WDR41: variants seen among roughly 807,000 people sequenced by gnomAD.
WDR41 encodes the protein WD repeat domain 41, also known as WD repeat-containing protein 41.
WDR41 carries 63 observed loss-of-function variants against 69.3 expected under a neutral mutation model. The observed-to-expected ratio is 0.91, with a 90% CI of 0.74 to 1.12. WDR41 has a LOEUF of 1.12. Ranked by LOEUF, WDR41 falls within the 50% of genes most tolerant of loss-of-function variation. WDR41 has a pLI of 0.00. For synonymous variants in WDR41, 185 were observed against 192.1 expected (o/e 0.96, Z 0.31); for missense variants, 543 against 534.5 (o/e 1.02, Z -0.16).
intron 1 of WDR41, among the ~76,000 whole-genome samples, chr5:77,600,586 T>C (rs1744304841): frequency 6.6e-6 from 1 of 152,122 alleles, no homozygotes; most frequent in African/African-American, 2.4e-5. Flanking sequence ...TATGTAAAAA[T>C]TTCACATAGT....
At chr5:77,593,659 T>C (rs1744170636) in intron 1 of WDR41, among the ~76,000 whole-genome samples, 1 of 152,136 alleles carries the variant, frequency 6.6e-6, no homozygotes, top group African/African-American at 2.4e-5. Flanking sequence ...TTTATAAAAA[T>C]ATTATAGGCA....
intron 1 of WDR41, among the ~76,000 whole-genome samples, chr5:77,530,762 C>T (rs1309469770): frequency 6.6e-6 from 1 of 151,802 alleles, no homozygotes; most frequent in South Asian, 2.1e-4. Flanking sequence ...AAAAAATTAA[C>T]TGTAAACAAA....
At chr5:77,587,967 C>T (rs1443717731) in intron 1 of WDR41, among the ~76,000 whole-genome samples, 1 of 152,126 alleles carries the variant, frequency 6.6e-6, no homozygotes, top group African/African-American at 2.4e-5. Flanking sequence ...GCCTCTAGAA[C>T]TGTAAGAACA....
intron 2 of WDR41, among the ~76,000 whole-genome samples, chr5:77,478,680 A>C (rs1004606328): frequency 6.0e-4 from 91 of 152,222 alleles, no homozygotes; most frequent in Admixed American, 1.2e-3. Flanking sequence ...GTATTTCAAA[A>C]TAATAAGAGC....
In WDR41 at chr5:77,479,695, C is replaced by T. The variant is rs373007726; in HGVS notation, c.167+9762G>A. Among the ~76,000 whole-genome samples, 210 of 152,236 alleles carry T rather than the reference C, an allele frequency of 1.4e-3. 3 individuals carry two copies. The highest frequency in any genetic ancestry group is 4.6e-3 in the Admixed American group (70 of 15,278). On this transcript the variant is annotated intron_variant, in intron 2 of 12. Transcript: ENST00000296679. ...ATTCAAGATGGATTAAAGACATAAA[C>T]GTTAGACCTAAAACCATAAAAACCC...
chr5:77,462,392 A>C (rs190689880), intron 4 of WDR41, among the ~76,000 whole-genome samples: 6 of 144,086 alleles, frequency 4.2e-5, no homozygotes, highest in Admixed American at 7.1e-5. Context: ...CTGGGCAATA[A>C]GAGTGAAACT....
intron 1 of WDR41, among the ~76,000 whole-genome samples, chr5:77,596,641 T>C (rs6453336): frequency 0.56 from 84,676 of 151,840 alleles, 24,393 homozygotes; most frequent in African/African-American, 0.71. Flanking sequence ...GGGTTACAGG[T>C]ACCACTACAC....
intron 2 of WDR41, among the ~76,000 whole-genome samples, chr5:77,467,401 C>G (rs530922959): frequency 6.6e-6 from 1 of 152,054 alleles, no homozygotes; most frequent in South Asian, 2.1e-4. Context: ...GCTTTGAGAT[C>G]TTAAAACTTT....
At chr5:77,498,816 CAAAAAAA>C (rs35946022) in intron 1 of WDR41, among the ~76,000 whole-genome samples, 2 of 87,480 alleles carry the variant, frequency 2.3e-5, no homozygotes, top group Non-Finnish European at 5.0e-5. Flanking sequence ...AAGACCCCAT[CAAAAAAA>C]AAAAAAGAAA....
chr5:77,437,484 T>C (rs1798989335), intron 10 of WDR41, 60 bp from the exon 11 acceptor site: 1 of 1,445,740 alleles, frequency 6.9e-7, no homozygotes, highest in Non-Finnish European at 9.7e-7. Flanking sequence ...CAATGCTAAA[T>C]TTGCAGTGAA....
At chr5:77,474,856 C>A (rs575681554) in intron 2 of WDR41, among the ~76,000 whole-genome samples, 1 of 152,266 alleles carries the variant, frequency 6.6e-6, no homozygotes, top group Non-Finnish European at 1.5e-5. Flanking sequence ...CAGCTCCCAG[C>A]GTGAGCGACG....
intron 1 of WDR41, among the ~76,000 whole-genome samples, chr5:77,551,292 G>T (rs1329216083): frequency 1.3e-5 from 2 of 151,870 alleles, no homozygotes; most frequent in African/African-American, 4.8e-5. Context: ...TTTAAGAAGG[G>T]GGCAAAAATA....
In WDR41 at chr5:77,466,515, A is replaced by G. The variant is rs1023842552; in HGVS notation, c.168-1706T>C. Among the ~76,000 whole-genome samples the G allele has an allele frequency of 5.9e-5, 9 of 152,010 alleles. No individual in the cohort carries two copies. The East Asian group carries it at 1.5e-3, about 26-fold the overall frequency. ...GCATTTAGAAGACAGCAAGTTTAAAATACATACTTTTTTTCTAACCCTAAT... is the reference window on the plus strand; with the variant it reads ...GCATTTAGAAGACAGCAAGTTTAAAGTACATACTTTTTTTCTAACCCTAAT... On this transcript the variant is annotated intron_variant, in intron 2 of 12. Transcript: ENST00000296679.
At chr5:77,502,990 T>C (rs1581776354) in intron 1 of WDR41, among the ~76,000 whole-genome samples, 1 of 152,118 alleles carries the variant, frequency 6.6e-6, no homozygotes, top group South Asian at 2.1e-4. Flanking sequence ...AACATCATAA[T>C]GATGGATCAT....
chr5:77,569,973 C>G (rs1478652351), intron 1 of WDR41, among the ~76,000 whole-genome samples: 1 of 152,156 alleles, frequency 6.6e-6, no homozygotes, highest in African/African-American at 2.4e-5. Context: ...CCAGCAGATC[C>G]TGGGAACTTC....
At chr5:77,459,157 G>T in intron 4 of WDR41, 33 bp from the exon 5 acceptor site, 1 of 1,461,976 alleles carries the variant, frequency 6.8e-7, no homozygotes, top group Non-Finnish European at 9.4e-7. Context: ...TTTCTAAACA[G>T]AATTTTAAAA....
intron 1 of WDR41, among the ~76,000 whole-genome samples, chr5:77,528,472 A>G (rs1044387210): frequency 6.6e-6 from 1 of 151,736 alleles, no homozygotes; most frequent in Admixed American, 6.6e-5. Flanking sequence ...AAATAATGTC[A>G]ATCTTACATA....
intron 1 of WDR41, among the ~76,000 whole-genome samples, chr5:77,531,634 T>A (rs1802530359): frequency 6.6e-6 from 1 of 151,922 alleles, no homozygotes; most frequent in South Asian, 2.1e-4. Flanking sequence ...CACAATTCAT[T>A]TGTACTCAAA....
chr5:77,570,032 T>C (rs1332294413), intron 1 of WDR41, among the ~76,000 whole-genome samples: 1 of 152,152 alleles, frequency 6.6e-6, no homozygotes, highest in Non-Finnish European at 1.5e-5. Flanking sequence ...GTCAAGACAA[T>C]TATTTTTTAG....
Sources: allele counts gnomAD v4.1 joint callset (sites outside exome capture counted in the v4.1 genomes callset), GRCh38; gene constraint gnomAD v4.1.1; transcripts MANE v1.5; gene names NCBI Gene and HGNC (gene_info 2026-07-23, HGNC 2026-07-21).